WWOX: variants seen among roughly 807,000 people sequenced by gnomAD.
WWOX encodes WW domain containing oxidoreductase, also known as WW domain-containing oxidoreductase.
A neutral mutation model predicts 46.2 loss-of-function variants in WWOX; 69 were observed. The ratio of observed to expected loss-of-function variants is 1.49; its 90% CI spans 1.23 to 1.82. The LOEUF is 1.82. Among genes scored for constraint, WWOX ranks in the 40% most tolerant of loss-of-function variants. The probability of loss-of-function intolerance (pLI) is 0.00; values close to 1 mark genes in which losing one functional copy is unlikely to be tolerated. For missense variants in WWOX, 919 were observed against 542.6 expected (o/e 1.69, Z -6.89); for synonymous variants, 359 against 202.6 (o/e 1.77, Z -6.56).
At chr16:78,121,894 T>G (rs1348209569) in intron 4 of WWOX, among the ~76,000 whole-genome samples, 1 of 152,070 alleles carries the variant, frequency 6.6e-6, no homozygotes, top group Non-Finnish European at 1.5e-5. Flanking sequence ...CTCCTGACAT[T>G]AGGCAATCTG....
intron 8 of WWOX, among the ~76,000 whole-genome samples, chr16:79,054,513 C>G (rs1447490190): frequency 2.0e-5 from 3 of 152,114 alleles, no homozygotes; most frequent in East Asian, 1.9e-4. Context: ...ATTTCTGGAA[C>G]TAATTACAGA....
intron 8 of WWOX, among the ~76,000 whole-genome samples, chr16:79,161,822 A>AT (rs1309242366): frequency 1.4e-4 from 21 of 152,074 alleles, no homozygotes; most frequent in African/African-American, 4.8e-4. Flanking sequence ...CGTGGTTGAG[A>AT]TTTTTTCACT....
At chr16:78,852,190 G>T (rs1266471723) in intron 8 of WWOX, among the ~76,000 whole-genome samples, 1 of 152,292 alleles carries the variant, frequency 6.6e-6, no homozygotes, top group South Asian at 2.1e-4. Flanking sequence ...ATGAGCTTCT[G>T]TGGTAGCCAG....
At chr16:78,154,423 GA>G (rs922845533) in intron 4 of WWOX, among the ~76,000 whole-genome samples, 1 of 150,982 alleles carries the variant, frequency 6.6e-6, no homozygotes, top group Admixed American at 6.6e-5. Context: ...TTGCTTCATG[GA>G]GCTTCATCTC....
intron 8 of WWOX, among the ~76,000 whole-genome samples, chr16:78,528,952 C>T (rs1406393003): frequency 1.4e-5 from 2 of 143,704 alleles, no homozygotes; most frequent in Admixed American, 7.0e-5. Context: ...TCTTTTCTTT[C>T]TTTCTTTCTT....
At chr16:78,200,526 A>C (rs945674268) in intron 5 of WWOX, among the ~76,000 whole-genome samples, 1 of 150,082 alleles carries the variant, frequency 6.7e-6, no homozygotes, top group Non-Finnish European at 1.5e-5. Flanking sequence ...CATCCATTAC[A>C]CCATAAAGTA....
chr16:78,361,172 C>A (rs2081403139), intron 5 of WWOX, among the ~76,000 whole-genome samples: 2 of 152,232 alleles, frequency 1.3e-5, no homozygotes, highest in South Asian at 2.1e-4. Context: ...TCTTTCTGAT[C>A]TTGAGACCTT....
Position 78,114,573 on chromosome 16 carries a change from A to G in WWOX, c.231-403A>G, listed in dbSNP as rs570184224. On this transcript the variant is annotated intron_variant, in intron 3 of 8. Transcript: ENST00000566780. Reference sequence around the variant, plus strand: ...ATCATTTTGAGTTTTCTACTTCTCTACGTCTTTAGGCCCTTGCACAGGGCT... The same window carrying G: ...ATCATTTTGAGTTTTCTACTTCTCTGCGTCTTTAGGCCCTTGCACAGGGCT... Among the ~76,000 whole-genome samples, 375 of 152,270 alleles carry G rather than the reference A, an allele frequency of 2.5e-3. 1 individual carries two copies. The highest frequency in any genetic ancestry group is 3.8e-3 in the Non-Finnish European group (261 of 68,022).
Position 78,707,457 on chromosome 16 carries a change from T to G in WWOX, c.1056+274705T>G, listed in dbSNP as rs114292480. 9.5e-3 allele frequency among the ~76,000 whole-genome samples: 1,450 copies of G among 152,328 alleles called. 20 individuals are homozygous for G. Among genetic ancestry groups the G allele is most frequent in the African/African-American group, 0.034 (1,397 of 41,580 alleles). On this transcript the variant is annotated intron_variant, in intron 8 of 8. Transcript: ENST00000566780. ...GGTTCTGGACATCTTCTTGGGCTAG[T>G]TGGTATAGCTTCCTTCTCAGCTCAT... is the stretch of plus-strand genomic sequence containing the variant.
At chr16:78,461,769 G>A (rs144611965) in intron 8 of WWOX, among the ~76,000 whole-genome samples, 398 of 152,208 alleles carry the variant, frequency 2.6e-3, no homozygotes, top group African/African-American at 8.9e-3. Context: ...CCCTTTTCCC[G>A]TCATGCTTTA....
chr16:78,528,044 G>A (rs533114369), intron 8 of WWOX, among the ~76,000 whole-genome samples: 143 of 116,566 alleles, frequency 1.2e-3, no homozygotes, highest in Admixed American at 2.7e-3. Flanking sequence ...TGTCGCCCAG[G>A]CTGGAGTGCA....
At chr16:78,403,199 A>G (rs2082453102) in intron 6 of WWOX, among the ~76,000 whole-genome samples, 1 of 151,990 alleles carries the variant, frequency 6.6e-6, no homozygotes, top group African/African-American at 2.4e-5. Context: ...TCCCCAAACA[A>G]TTTTTTTCTT....
intron 8 of WWOX, among the ~76,000 whole-genome samples, chr16:78,443,819 C>G (rs28640149): frequency 0.065 from 9,877 of 152,054 alleles, 501 homozygotes; most frequent in South Asian, 0.16. Flanking sequence ...TTTGTGGTGC[C>G]TTCTTTGATC....
At chr16:78,387,817 T>C (rs1042788876) in intron 6 of WWOX, among the ~76,000 whole-genome samples, 4 of 152,078 alleles carry the variant, frequency 2.6e-5, no homozygotes, top group African/African-American at 9.7e-5. Flanking sequence ...ACATGAGGAT[T>C]AAGTTAATAA....
At chr16:79,000,213 G>A (rs1335968777) in intron 8 of WWOX, among the ~76,000 whole-genome samples, 2 of 152,152 alleles carry the variant, frequency 1.3e-5, no homozygotes, top group Admixed American at 1.3e-4. Context: ...GTCATTGGCA[G>A]CTCATCTCAG....
At chr16:78,155,360 T>C (rs2034562833) in intron 4 of WWOX, among the ~76,000 whole-genome samples, 1 of 152,226 alleles carries the variant, frequency 6.6e-6, no homozygotes, top group Admixed American at 6.5e-5. Flanking sequence ...CATCAGTTTG[T>C]GACCTCTGTT....
chr16:79,079,194 C>T (rs75946295), intron 8 of WWOX, among the ~76,000 whole-genome samples: 1 of 152,208 alleles, frequency 6.6e-6, no homozygotes, highest in African/African-American at 2.4e-5. Flanking sequence ...GTCACCACCA[C>T]CTTTATTTTT....
At chr16:78,209,493 G>T (rs1307524053) in intron 5 of WWOX, among the ~76,000 whole-genome samples, 2 of 152,204 alleles carry the variant, frequency 1.3e-5, no homozygotes, top group South Asian at 2.1e-4. Flanking sequence ...TAGGCCCAAA[G>T]TGAAACGTCT....
intron 8 of WWOX, among the ~76,000 whole-genome samples, chr16:78,474,289 T>C (rs186026980): frequency 6.6e-6 from 1 of 152,368 alleles, no homozygotes; most frequent in East Asian, 1.9e-4. Flanking sequence ...TCTCATTTCA[T>C]GCCTTAGGAA....
Sources: gnomAD v4.1 joint callset for allele counts (sites outside exome capture counted in the v4.1 genomes callset) on GRCh38, gnomAD v4.1.1 for gene constraint, MANE v1.5 for transcripts, NCBI Gene and HGNC (gene_info 2026-07-23, HGNC 2026-07-21) for gene names.